Variants in TMEM267 observed in about 807,000 individuals in gnomAD.
TMEM267 encodes the protein transmembrane protein 267.
Under a neutral mutation model 19.3 loss-of-function variants are expected in TMEM267, and 20 were observed. The ratio of observed to expected loss-of-function variants is 1.04; its 90% CI spans 0.73 to 1.51. TMEM267 has a LOEUF of 1.51. Ranked by LOEUF, TMEM267 falls within the 40% of genes most tolerant of loss-of-function variation. The pLI, the probability that TMEM267 is intolerant of heterozygous loss-of-function variation, is 0.00. For missense variants in TMEM267, 242 were observed against 261.9 expected (o/e 0.92, Z 0.52); for synonymous variants, 88 against 90.3 (o/e 0.97, Z 0.15).
chr5:43,476,750 A>G (rs1325696484), intron 1 of TMEM267, among the ~76,000 whole-genome samples: 1 of 151,874 alleles, frequency 6.6e-6, no homozygotes, highest in Admixed American at 6.6e-5. Flanking sequence ...AACCAGACCC[A>G]GTACGTATAT....
chr5:43,466,519 A>C (rs1561193583), intron 1 of TMEM267, among the ~76,000 whole-genome samples: 1 of 152,264 alleles, frequency 6.6e-6, no homozygotes, highest in African/African-American at 2.4e-5. Flanking sequence ...AACTTCAGTC[A>C]GAAAGGAAAG....
At chr5:43,475,810 A>G (rs1744382831) in intron 1 of TMEM267, among the ~76,000 whole-genome samples, 1 of 152,202 alleles carries the variant, frequency 6.6e-6, no homozygotes, top group Admixed American at 6.5e-5. Flanking sequence ...GGGAAAATGA[A>G]CATTCACAAC....
chr5:43,472,913 G>A (rs1390259172), intron 1 of TMEM267, among the ~76,000 whole-genome samples: 1 of 151,984 alleles, frequency 6.6e-6, no homozygotes, highest in African/African-American at 2.4e-5. Flanking sequence ...GCCGAAGTGG[G>A]CGGATCACAA....
At chr5:43,483,326 T>G (rs1206004793) in intron 1 of TMEM267, among the ~76,000 whole-genome samples, 1 of 152,196 alleles carries the variant, frequency 6.6e-6, no homozygotes, top group African/African-American at 2.4e-5. Context: ...TCTGGTGTGA[T>G]GCAATAATTT....
At chr5:43,483,146 A>G (rs956358079) in intron 1 of TMEM267, among the ~76,000 whole-genome samples, 1 of 152,072 alleles carries the variant, frequency 6.6e-6, no homozygotes, top group Non-Finnish European at 1.5e-5. Context: ...AATCTGATGC[A>G]ACTAACTGAC....
chr5:43,461,036 C>A (rs1384050626), intron 1 of TMEM267, among the ~76,000 whole-genome samples: 3 of 152,184 alleles, frequency 2.0e-5, no homozygotes, highest in African/African-American at 7.2e-5. Context: ...CCCCATGCTG[C>A]ACATCTTGAG....
intron 1 of TMEM267, among the ~76,000 whole-genome samples, chr5:43,483,390 A>T (rs1341357919): frequency 6.6e-6 from 1 of 152,098 alleles, no homozygotes; most frequent in African/African-American, 2.4e-5. Flanking sequence ...ACCATGTCAC[A>T]CTCTCAGCAT....
intron 1 of TMEM267, among the ~76,000 whole-genome samples, chr5:43,483,324 G>T (rs1171492631): frequency 6.6e-6 from 1 of 152,158 alleles, no homozygotes; most frequent in Admixed American, 6.5e-5. Flanking sequence ...AGTCTGGTGT[G>T]ATGCAATAAT....
Position 43,483,849 on chromosome 5 carries a change from G to T in TMEM267, c.-102C>A, listed in dbSNP as rs985103250. 1 of 152,286 alleles carries T rather than the reference G, an allele frequency of 6.6e-6. No homozygotes were observed. Among genetic ancestry groups the T allele is most frequent in the African/African-American group, 2.4e-5 (1 of 41,440 alleles). The allele number at this position is 152,286 out of a possible 1,614,324, so 9.4% of individuals were successfully genotyped here. A position where few individuals can be genotyped will look rare whatever the true frequency, so the allele number is the denominator to read the frequency against. On this transcript the variant is annotated 5_prime_UTR_variant, in exon 1 of 3. It adds an upstream start codon to the 5' untranslated region. Coordinates refer to ENST00000397080, the MANE Select transcript of TMEM267 (RefSeq NM_022483.5). ...CGGCTTCTCTGAGTTCAATCCAGCAGCAGCTCGAGCAGCGGCTCCGCCCCT... is the reference window on the plus strand; with the variant it reads ...CGGCTTCTCTGAGTTCAATCCAGCATCAGCTCGAGCAGCGGCTCCGCCCCT...
rs1217413917 is a variant in TMEM267 at position 43,444,289 on chromosome 5, A to G, written c.*1933T>C. 1 of 152,072 alleles carries G rather than the reference A, an allele frequency of 6.6e-6. No homozygotes were observed. 9.4% of individuals were successfully genotyped at this position (152,072 alleles called of 1,614,324 possible). A position where few individuals can be genotyped will look rare whatever the true frequency, so the allele number is the denominator to read the frequency against. On this transcript the variant is annotated 3_prime_UTR_variant, in exon 3 of 3. Coordinates refer to ENST00000397080, the MANE Select transcript of TMEM267 (RefSeq NM_022483.5). Reference sequence around the variant, plus strand: ...ATTCTTATTTATTTATTTTATGTTTATTTTTTAAGACAGTCTCCCTCTGTC... The same window carrying G: ...ATTCTTATTTATTTATTTTATGTTTGTTTTTTAAGACAGTCTCCCTCTGTC...
At chr5:43,460,064 T>C (rs1743169688) in intron 1 of TMEM267, among the ~76,000 whole-genome samples, 1 of 152,214 alleles carries the variant, frequency 6.6e-6, no homozygotes, top group Non-Finnish European at 1.5e-5. Flanking sequence ...CATTAGATTC[T>C]CATAAGAAGC....
chr5:43,472,862 G>A (rs530885104), intron 1 of TMEM267, among the ~76,000 whole-genome samples: 18 of 151,276 alleles, frequency 1.2e-4, no homozygotes, highest in South Asian at 6.3e-4. Flanking sequence ...ACAGAAGGCC[G>A]GGCACGGTGG....
At chr5:43,466,651 C>T (rs926881094) in intron 1 of TMEM267, among the ~76,000 whole-genome samples, 2 of 152,108 alleles carry the variant, frequency 1.3e-5, no homozygotes, top group Non-Finnish European at 2.9e-5. Flanking sequence ...GAGTTTTTAT[C>T]AGTTTTCTTT....
chr5:43,481,504 T>C (rs1194830349), intron 1 of TMEM267, among the ~76,000 whole-genome samples: 1 of 152,148 alleles, frequency 6.6e-6, no homozygotes, highest in African/African-American at 2.4e-5. Flanking sequence ...ACTTGAAGTA[T>C]TTACATGATG....
intron 1 of TMEM267, among the ~76,000 whole-genome samples, chr5:43,467,397 T>C (rs903834998): frequency 6.6e-6 from 1 of 152,136 alleles, no homozygotes; most frequent in Non-Finnish European, 1.5e-5. Context: ...TGGGAAAAGA[T>C]ATTCCATGTT....
At chr5:43,450,185 G>A (rs1460242151) in intron 2 of TMEM267, among the ~76,000 whole-genome samples, 1 of 151,804 alleles carries the variant, frequency 6.6e-6, no homozygotes, top group Non-Finnish European at 1.5e-5. Context: ...GTAGAGATGG[G>A]GTCTGGCCCT....
intron 2 of TMEM267, among the ~76,000 whole-genome samples, chr5:43,447,975 G>A (rs1475069427): frequency 6.6e-6 from 1 of 152,184 alleles, no homozygotes; most frequent in Non-Finnish European, 1.5e-5. Flanking sequence ...TTGGAGACTG[G>A]ATGGTGAAAA....
intron 1 of TMEM267, among the ~76,000 whole-genome samples, chr5:43,467,584 G>A (rs1743818157): frequency 6.6e-6 from 1 of 152,096 alleles, no homozygotes; most frequent in African/African-American, 2.4e-5. Flanking sequence ...ATATATAAAG[G>A]AAATATTATT....
At chr5:43,462,174 A>C (rs1202292558) in intron 1 of TMEM267, among the ~76,000 whole-genome samples, 1 of 152,214 alleles carries the variant, frequency 6.6e-6, no homozygotes, top group East Asian at 1.9e-4. Context: ...TATCTTGTCC[A>C]TGACCATCAA....
Sources: allele counts gnomAD v4.1 joint callset (sites outside exome capture counted in the v4.1 genomes callset), GRCh38; gene constraint gnomAD v4.1.1; transcripts MANE v1.5; gene names NCBI Gene and HGNC (gene_info 2026-07-23, HGNC 2026-07-21).